Variants in UBR1 observed in about 807,000 individuals in gnomAD.
The protein encoded by UBR1 is E3 ubiquitin-protein ligase UBR1.
Under a neutral mutation model 242.1 loss-of-function variants are expected in UBR1, and 102 were observed. The ratio of observed to expected loss-of-function variants is 0.42; its 90% CI spans 0.36 to 0.50. The LOEUF (loss-of-function observed/expected upper bound fraction) is 0.50. UBR1 is among the 20% of genes least tolerant of loss of function. The pLI is 0.01. For missense variants in UBR1, 1,772 were observed against 2,101.8 expected, an observed-to-expected ratio of 0.84 and a Z score of 3.07; for synonymous variants, 675 against 684.8, an observed-to-expected ratio of 0.99 and a Z score of 0.22.
chr15:43,011,904 T>G (rs182943885), intron 29 of UBR1: 261 of 453,464 alleles, frequency 5.8e-4, no homozygotes, highest in African/African-American at 4.9e-3. Context: ...CAGAGACCAC[T>G]ATGCAGCAGT....
rs1363218239 is a variant in UBR1 at position 43,047,216 on chromosome 15, A to G, written c.1613T>C (p.Ile538Thr). The change falls in exon 14 of 47, where the codon ATA (isoleucine) becomes ACA (threonine). Residue 538 changes from isoleucine to threonine, a missense_variant. By Grantham distance (89) the Ile-to-Thr change is moderately conservative (BLOSUM62 -1). This residue lies in a region of UBR1 where 734 missense variants were observed against 893.3 expected (regional missense o/e 0.82). Coordinates refer to ENST00000290650, the MANE Select transcript of UBR1 (RefSeq NM_174916.3). ...TAAAATATTCTTCAATTGCATCTGT[A>G]TAGCAATGGCAGCCTCCCAATCAGG... ...VDPDWEAAIA[I>T]QMQLKNILLM... 6.2e-7 allele frequency: 1 copy of G among 1,614,110 alleles called. No homozygotes were observed. Among genetic ancestry groups the G allele is most frequent in the East Asian group, 2.2e-5 (1 of 44,894 alleles).
At chr15:43,082,865 GA>G (rs2088353779) in intron 2 of UBR1, 149 bp from the exon 3 acceptor site, 1 of 684,548 alleles carries the variant, frequency 1.5e-6, no homozygotes, top group Non-Finnish European at 2.6e-6. Flanking sequence ...AAAATGTTTT[GA>G]ACAAAGATAA....
rs116866395 is a variant in UBR1, at chr15:43,037,255, C to T, written c.2022+518G>A. ...CCCAGCTACTGGGGAGGCTGAGGCA[C>T]GAAAATCACTTGAACCCCACAGGCA... On this transcript the variant is annotated intron_variant, in intron 17 of 46. Coordinates refer to ENST00000290650, the MANE Select transcript of UBR1 (RefSeq NM_174916.3). Among the ~76,000 whole-genome samples, 304 of 149,340 alleles carry T rather than the reference C, an allele frequency of 2.0e-3. 6 individuals are homozygous for T. In the East Asian group the frequency reaches 0.042, roughly 21 times the overall value.
intron 5 of UBR1, 52 bp from the exon 6 acceptor site, chr15:43,068,088 GT>G (rs372573974): frequency 2.6e-5 from 15 of 579,742 alleles, no homozygotes; most frequent in South Asian, 2.8e-5. Flanking sequence ...TAAAGGAAAA[GT>G]AAAAAAAAAA....
At chr15:43,013,239 T>C (rs1453831042) in intron 29 of UBR1, among the ~76,000 whole-genome samples, 2 of 152,184 alleles carry the variant, frequency 1.3e-5, no homozygotes, top group Non-Finnish European at 2.9e-5. Context: ...CAGTGAAAGC[T>C]TGTCTTTAAA....
intron 21 of UBR1, among the ~76,000 whole-genome samples, chr15:43,028,753 A>T (rs1021945722): frequency 1.3e-5 from 2 of 150,958 alleles, no homozygotes; most frequent in Admixed American, 1.3e-4. Context: ...AAACAAAAAA[A>T]AAAAAACAAA....
At chr15:43,082,180 C>A (rs2033982200) in intron 3 of UBR1, among the ~76,000 whole-genome samples, 1 of 151,910 alleles carries the variant, frequency 6.6e-6, no homozygotes. Flanking sequence ...AAAAACATTT[C>A]TATTAAAAAC....
Position 43,007,213 on chromosome 15 carries a change from T to C in UBR1, c.3281A>G (p.Glu1094Gly). 6.2e-7 allele frequency: 1 copy of C among 1,614,122 alleles called. No homozygotes were observed. The highest frequency in any genetic ancestry group is 8.5e-7 in the Non-Finnish European group (1 of 1,180,026). The change falls in exon 30 of 47, where the codon GAG (glutamate) becomes GGG (glycine). Residue 1094 changes from glutamate (E) to glycine (G), a missense_variant. By Grantham distance (98) the Glu-to-Gly change is moderately conservative. This residue lies in a region of UBR1 where 965 missense variants were observed against 1,079.7 expected (regional missense o/e 0.89). Coordinates refer to ENST00000290650, the MANE Select transcript of UBR1 (RefSeq NM_174916.3). ...TTGGCAAAGGATGCACGTCAGCACC[T>C]CCTTTTCAGTAACAGATGGACCCCG... The part of the protein sequence containing the change: ...PKRGPSVTEK[E>G]VLTCILCQEE...
intron 37 of UBR1, among the ~76,000 whole-genome samples, chr15:42,980,555 C>G (rs919341486): frequency 6.6e-6 from 1 of 152,130 alleles, no homozygotes; most frequent in African/African-American, 2.4e-5. Flanking sequence ...CAAGGCATAG[C>G]ACATGGCAGT....
chr15:43,021,638 G>GA (rs1315317074), intron 26 of UBR1, among the ~76,000 whole-genome samples: 2 of 151,686 alleles, frequency 1.3e-5, no homozygotes, highest in Non-Finnish European at 1.5e-5. Flanking sequence ...ATAATGACAA[G>GA]AAAAAAAAGT....
intron 33 of UBR1, among the ~76,000 whole-genome samples, 184 bp downstream of exon 33, chr15:42,997,984 T>C (rs1311190195): frequency 2.6e-5 from 4 of 152,192 alleles, no homozygotes; most frequent in African/African-American, 9.7e-5. Flanking sequence ...TGTCTCCTAG[T>C]ATGAAAAACG....
At chr15:43,002,484 G>T in intron 32 of UBR1, 71 bp downstream of exon 32, 11 of 1,539,440 alleles carry the variant, frequency 7.1e-6, no homozygotes, top group Non-Finnish European at 9.8e-6. Context: ...GTCTCCCAAA[G>T]TGCTGGGATC....
chr15:42,978,377 A>T (rs1567113975), intron 37 of UBR1, among the ~76,000 whole-genome samples: 1 of 152,244 alleles, frequency 6.6e-6, no homozygotes, highest in Non-Finnish European at 1.5e-5. Context: ...CAGAGTAGGT[A>T]AAATGAGGAT....
chr15:42,984,682 C>G (rs2032432087), intron 36 of UBR1, among the ~76,000 whole-genome samples: 1 of 152,210 alleles, frequency 6.6e-6, no homozygotes, highest in African/African-American at 2.4e-5. Flanking sequence ...ATGAATTACA[C>G]TTAACCTCTG....
chr15:43,015,662 G>C (rs374161185), intron 29 of UBR1, 26 bp downstream of exon 29: 1 of 1,610,726 alleles, frequency 6.2e-7, no homozygotes. Context: ...AATTGAGTTG[G>C]TAATTTTTGG....
chr15:42,944,135 G>GT lies in UBR1; in HGVS notation c.*1193dup, dbSNP rs1491555712. 1.1e-4 allele frequency: 16 copies of GT among 152,306 alleles called. No homozygotes were observed. Among genetic ancestry groups the GT allele is most frequent in the Non-Finnish European group, 2.2e-4 (15 of 68,016 alleles). The allele number at this position is 152,306 out of a possible 1,614,324, so 9.4% of individuals were successfully genotyped here. On this transcript the variant is annotated 3_prime_UTR_variant, in exon 47 of 47. Transcript: ENST00000290650. ...GTTCTAACATTACCCCAGAAACAAC[G>GT]TAAGTTAAAATGGAAGGTTTCCATT...
At position 42,995,668 on chromosome 15, in the gene UBR1, A is replaced by AAAAC. The variant is rs770373278; in HGVS notation, c.3757+2496_3757+2499dup. 4.3e-4 allele frequency among the ~76,000 whole-genome samples: 66 copies of AAAAC among 152,266 alleles called. No individual in the cohort carries two copies. In the South Asian group the frequency reaches 4.4e-3, roughly 10 times the overall value. On this transcript the variant is annotated intron_variant, in intron 33 of 46. Coordinates refer to ENST00000290650, the MANE Select transcript of UBR1 (RefSeq NM_174916.3). ...GGGCGACAGAGCGAGACTCCATCTC[A>AAAAC]AAACAAACAAACAAACAAAAAAAAA...
chr15:42,974,783 AT>A (rs113979547), intron 39 of UBR1, among the ~76,000 whole-genome samples: 3 of 149,914 alleles, frequency 2.0e-5, no homozygotes, highest in Admixed American at 6.7e-5. Context: ...AAATTTTCCT[AT>A]TTTTTTTTAG....
chr15:43,039,586 G>A (rs1404688927), intron 15 of UBR1, among the ~76,000 whole-genome samples: 1 of 152,188 alleles, frequency 6.6e-6, no homozygotes, highest in African/African-American at 2.4e-5. Flanking sequence ...GGGCTGAGAC[G>A]ATGGGGTTTT....
Sources: allele counts gnomAD v4.1 joint callset (sites outside exome capture counted in the v4.1 genomes callset), GRCh38; gene constraint gnomAD v4.1.1; regional missense constraint gnomAD v4.1.1; transcripts MANE v1.5; gene names NCBI Gene and HGNC (gene_info 2026-07-23, HGNC 2026-07-21).